SLC25A29: variants seen among roughly 807,000 people sequenced by gnomAD.
SLC25A29 encodes the protein mitochondrial basic amino acids transporter.
SLC25A29 carries 13 observed loss-of-function variants against 10.0 expected under a neutral mutation model. That is an observed-to-expected ratio of 1.30 (90% confidence interval 0.85 to 2.07). The LOEUF (loss-of-function observed/expected upper bound fraction) is 2.07. Ranked by LOEUF, SLC25A29 falls within the 30% of genes most tolerant of loss-of-function variation. SLC25A29 has a pLI of 0.00. For missense variants in SLC25A29, 475 were observed against 447.6 expected (o/e 1.06, Z -0.55); for synonymous variants, 244 against 221.1 (o/e 1.10, Z -0.92).
chr14:100,292,907 G>A lies in SLC25A29; in HGVS notation c.288C>T (p.Phe96=), dbSNP rs751904884. ...TGGCGCCCGCCGCCGCACCTGCCAG[G>A]AACTGGTTGAGGGGCGAGTCGTGGC... ...ALGHDSPLNQ[F]LAGAAAGAIQ... The change falls in exon 4 of 4, where the codon TTC becomes TTT. Residue 96 remains phenylalanine (F), a synonymous_variant. Transcript: ENST00000359232. The A allele has an allele frequency of 6.2e-7, 1 of 1,608,500 alleles. No individual in the cohort carries two copies. Among genetic ancestry groups the A allele is most frequent in the Admixed American group, 1.7e-5 (1 of 59,640 alleles).
chr14:100,298,864 C>T lies in SLC25A29; in HGVS notation c.56G>A (p.Gly19Glu), dbSNP rs1365602994. The T allele has an allele frequency of 3.7e-6, 6 of 1,614,084 alleles. No individual in the cohort carries two copies. In the Admixed American group the frequency reaches 8.3e-5, roughly 22 times the overall value. Residue 19 changes from glycine (G) to glutamate (E), a missense_variant, in exon 2 of 4, where the codon GGA becomes GAA. Transcript: ENST00000359232. Reference sequence around the variant, plus strand: ...CACCTTGACCGTGTCAAACGGGTGTCCCACAAGCACGCCTGCCACACCTGG... The same window carrying T: ...CACCTTGACCGTGTCAAACGGGTGTTCCACAAGCACGCCTGCCACACCTGG... ...CAGGVAGVLV[G>E]HPFDTVKVRL...
chr14:100,284,966 G>A, the SLC25A29 span, among the ~76,000 whole-genome samples: 5 of 151,182 alleles, frequency 3.3e-5, no homozygotes, highest in Admixed American at 6.6e-5. Flanking sequence ...TTGGACCTGG[G>A]AGGTGGAGGT....
chr14:100,300,518 G>A (rs952413032), intron 1 of SLC25A29, among the ~76,000 whole-genome samples: 7 of 152,094 alleles, frequency 4.6e-5, no homozygotes, highest in Non-Finnish European at 1.0e-4. Context: ...AAGTAGCTGA[G>A]ACAACAGGCA....
intron 1 of SLC25A29, 146 bp downstream of exon 1, chr14:100,306,053 C>A (rs1478791526): frequency 3.8e-6 from 2 of 529,950 alleles, no homozygotes; most frequent in Non-Finnish European, 6.1e-6. Flanking sequence ...CCCACGAGAC[C>A]CGCCCGAGGC....
chr14:100,299,333 C>T (rs1348627780), intron 1 of SLC25A29: 22 of 1,022,546 alleles, frequency 2.2e-5, no homozygotes, highest in Non-Finnish European at 2.6e-5. Flanking sequence ...ATCAGCCTGG[C>T]GTGCTCACAA....
chr14:100,299,083 G>A (rs1448813922), intron 1 of SLC25A29, 198 bp from the exon 2 acceptor site: 1 of 1,426,778 alleles, frequency 7.0e-7, no homozygotes, highest in Non-Finnish European at 9.2e-7. Context: ...GTATGCATGT[G>A]ACATCCCAAG....
the SLC25A29 span, among the ~76,000 whole-genome samples, chr14:100,285,329 TC>T: frequency 0.51 from 77,726 of 151,658 alleles, 21,425 homozygotes; most frequent in Non-Finnish European, 0.62. Flanking sequence ...CCAGGGCCTG[TC>T]CCCCACGCTG....
the SLC25A29 span, among the ~76,000 whole-genome samples, chr14:100,285,852 G>T: frequency 6.6e-6 from 1 of 152,072 alleles, no homozygotes; most frequent in South Asian, 2.1e-4. Flanking sequence ...GGAGGGCGGG[G>T]TGGGAGAGGC....
At chr14:100,296,208 G>A (rs1185902375) in intron 2 of SLC25A29, 2 of 369,158 alleles carry the variant, frequency 5.4e-6, no homozygotes, top group South Asian at 4.3e-5. Context: ...AGGATCACTT[G>A]AGCCCAGTAG....
chr14:100,280,293 T>A, the SLC25A29 span: 2 of 152,222 alleles, frequency 1.3e-5, no homozygotes, highest in African/African-American at 4.8e-5. Context: ...TAATCTGATT[T>A]ATAAGTAATA....
At chr14:100,300,397 T>C (rs1023955897) in intron 1 of SLC25A29, among the ~76,000 whole-genome samples, 4 of 152,200 alleles carry the variant, frequency 2.6e-5, no homozygotes, top group Admixed American at 2.6e-4. Context: ...TGTTTTTGTT[T>C]TTTGAGACAA....
chr14:100,287,056 A>G (rs1891558177), downstream of SLC25A29, among the ~76,000 whole-genome samples: 1 of 152,260 alleles, frequency 6.6e-6, no homozygotes, highest in African/African-American at 2.4e-5. Context: ...TACAGTCACA[A>G]GAACCCACCC....
In SLC25A29 at chr14:100,304,520, G is replaced by A. The variant is rs1309523534; in HGVS notation, c.34+1679C>T. Among the ~76,000 whole-genome samples the A allele has an allele frequency of 2.6e-5, 4 of 152,206 alleles. 1 individual carries two copies. Among genetic ancestry groups the A allele is most frequent in the African/African-American group, 9.7e-5 (4 of 41,444 alleles). On this transcript the variant is annotated intron_variant, in intron 1 of 3. Transcript: ENST00000359232. ...TCAGGCTTACGCTTGTAGAGCCTTAGCTGGGTGGCCATTATGTGCCTGGGG... is the reference window on the plus strand; with the variant it reads ...TCAGGCTTACGCTTGTAGAGCCTTAACTGGGTGGCCATTATGTGCCTGGGG...
chr14:100,299,061 T>C (rs1311197418), intron 1 of SLC25A29, 176 bp from the exon 2 acceptor site: 4 of 1,439,932 alleles, frequency 2.8e-6, no homozygotes, highest in Non-Finnish European at 2.7e-6. Context: ...AATCCTCACG[T>C]CCACTGGGAG....
chr14:100,292,853 C>A lies in SLC25A29; in HGVS notation c.342G>T (p.Glu114Asp), dbSNP rs910563078. The change falls in exon 4 of 4, where the codon GAG (glutamate) becomes GAT (aspartate). Residue 114 changes from glutamate to aspartate, a missense_variant. Physicochemically the swap from Glu to Asp is conservative, Grantham distance 45. Coordinates refer to ENST00000359232, the MANE Select transcript of SLC25A29 (RefSeq NM_001039355.3). ...AIQCVICCPM[E>D]LAKTRLQLQD... Reference sequence around the variant, plus strand: ...GCAGCTGCAGCCGCGTCTTGGCCAGCTCCATGGGGCAGCAGATGACGCACT... The same window carrying A: ...GCAGCTGCAGCCGCGTCTTGGCCAGATCCATGGGGCAGCAGATGACGCACT... The A allele has an allele frequency of 6.3e-7, 1 of 1,598,102 alleles. No homozygotes were observed. The highest frequency in any genetic ancestry group is 2.3e-5 in the East Asian group (1 of 44,240).
chr14:100,295,698 C>T, intron 2 of SLC25A29: 1 of 1,289,560 alleles, frequency 7.8e-7, no homozygotes, highest in Non-Finnish European at 1.0e-6. Context: ...GAGACAGCCC[C>T]TAGCTCAGAA....
chr14:100,293,251 C>G, intron 3 of SLC25A29, 43 bp downstream of exon 3: 1 of 1,599,998 alleles, frequency 6.3e-7, no homozygotes, highest in South Asian at 1.1e-5. Flanking sequence ...AAGCTAGTTC[C>G]CCATCCTGTG....
the SLC25A29 span, chr14:100,281,061 C>CAA: frequency 9.9e-6 from 1 of 100,882 alleles, no homozygotes. Flanking sequence ...CTCCGTCTCC[C>CAA]AAAAAAAAAA....
Position 100,299,372 on chromosome 14 carries a change from G to A in SLC25A29, c.35-487C>T. 6.0e-6 allele frequency: 6 copies of A among 1,005,708 alleles called. No homozygotes were observed. In the South Asian group the frequency reaches 2.4e-4, roughly 40 times the overall value. 62.3% of individuals were successfully genotyped at this position (1,005,708 alleles called of 1,614,324 possible). On this transcript the variant is annotated intron_variant, in intron 1 of 3. Transcript: ENST00000359232. ...ACTCTGTCTCTGGGCCTCACTCTGG[G>A]CCTTACCTGTAAAGGTTTACCTCCC...
Sources: allele counts gnomAD v4.1 joint callset (sites outside exome capture counted in the v4.1 genomes callset), GRCh38; gene constraint gnomAD v4.1.1; transcripts MANE v1.5; gene names NCBI Gene and HGNC (gene_info 2026-07-23, HGNC 2026-07-21).